The following LARGE1 variants were observed in gnomAD, a reference collection of about 807,000 sequenced individuals.
The protein encoded by LARGE1 is xylosyl- and glucuronyltransferase LARGE1.
In LARGE1, 43 loss-of-function variants were observed where a neutral mutation model predicts 87.6. The ratio of observed to expected loss-of-function variants is 0.49; its 90% CI spans 0.38 to 0.63. LARGE1 has a LOEUF of 0.63. Among genes scored for constraint, LARGE1 ranks in the 30% least tolerant of loss-of-function variants. LARGE1 has a pLI of 0.00. For missense variants in LARGE1, 802 were observed against 1,000.2 expected, an observed-to-expected ratio of 0.80 and a Z score of 2.67; for synonymous variants, 434 against 394.6, an observed-to-expected ratio of 1.10 and a Z score of -1.18.
the LARGE1 span, among the ~76,000 whole-genome samples, chr22:33,068,899 T>G: frequency 1.4e-4 from 22 of 152,252 alleles, no homozygotes; most frequent in South Asian, 1.7e-3. Flanking sequence ...GCTCTCTGGG[T>G]GGACTCAGGG....
At chr22:33,098,641 A>T in the LARGE1 span, among the ~76,000 whole-genome samples, 1 of 152,164 alleles carries the variant, frequency 6.6e-6, no homozygotes, top group African/African-American at 2.4e-5. Context: ...ATAAATAAAA[A>T]TAAAAAATAT....
chr22:33,466,725 C>T (rs1047379236), intron 6 of LARGE1, among the ~76,000 whole-genome samples: 6 of 151,618 alleles, frequency 4.0e-5, no homozygotes, highest in Admixed American at 3.9e-4. Flanking sequence ...TACACACACA[C>T]ACTACACACA....
At chr22:33,833,965 G>C (rs2063043178) in intron 1 of LARGE1, among the ~76,000 whole-genome samples, 1 of 152,092 alleles carries the variant, frequency 6.6e-6, no homozygotes, top group African/African-American at 2.4e-5. Flanking sequence ...GGGATTACGT[G>C]CAATGAGCCA....
chr22:33,503,252 T>G (rs374937560), intron 6 of LARGE1, among the ~76,000 whole-genome samples: 3 of 148,762 alleles, frequency 2.0e-5, no homozygotes, highest in Admixed American at 6.7e-5. Flanking sequence ...CTTTTTTTTT[T>G]TTTTTTGTTT....
the LARGE1 span, among the ~76,000 whole-genome samples, chr22:33,104,891 CTTTCTTTCTTTCTTTCTT>C: frequency 5.8e-3 from 265 of 45,880 alleles, 2 homozygotes; most frequent in African/African-American, 0.022. Flanking sequence ...CTTTCTCTCT[CTTTCTTTCTTTCTTTCTT>C]TCTTTCTTTC....
chr22:33,634,315 G>A (rs910721756), intron 3 of LARGE1, among the ~76,000 whole-genome samples: 2 of 152,164 alleles, frequency 1.3e-5, no homozygotes, highest in Non-Finnish European at 2.9e-5. Flanking sequence ...CAGGATCTCT[G>A]GAGTGGAGCC....
rs73409018 is a variant in LARGE1 at position 33,469,678 on chromosome 22, A to C, written c.788-37413T>G. 7.5e-3 allele frequency among the ~76,000 whole-genome samples: 1,132 copies of C among 151,698 alleles called. 8 individuals are homozygous for C. Among genetic ancestry groups the C allele is most frequent in the African/African-American group, 0.025 (1,052 of 41,416 alleles). ...CCTCTCTACTAAAAATACAAAAGAAATTAGCTAGGCATGGGGGCATGCACC... is the reference window on the plus strand; with the variant it reads ...CCTCTCTACTAAAAATACAAAAGAACTTAGCTAGGCATGGGGGCATGCACC... On this transcript the variant is annotated intron_variant, in intron 6 of 14. Coordinates refer to ENST00000397394, the MANE Select transcript of LARGE1 (RefSeq NM_133642.5).
At chr22:33,438,033 C>T (rs954507896) in intron 6 of LARGE1, among the ~76,000 whole-genome samples, 2 of 151,938 alleles carry the variant, frequency 1.3e-5, no homozygotes, top group African/African-American at 2.4e-5. Context: ...AGGGTTCTGT[C>T]GGGTAACACC....
At chr22:33,370,253 A>G (rs1258156171) in intron 9 of LARGE1, among the ~76,000 whole-genome samples, 1 of 152,216 alleles carries the variant, frequency 6.6e-6, no homozygotes, top group Non-Finnish European at 1.5e-5. Flanking sequence ...GCTGGAAAAC[A>G]AAACTCTTGT....
intron 11 of LARGE1, among the ~76,000 whole-genome samples, chr22:33,190,116 T>A (rs972860559): frequency 2.2e-4 from 33 of 152,188 alleles, no homozygotes; most frequent in African/African-American, 7.5e-4. Flanking sequence ...ATTTTTCAGC[T>A]CTGCAGTGAT....
chr22:33,680,208 T>C (rs2149298050), intron 2 of LARGE1, among the ~76,000 whole-genome samples: 1 of 152,268 alleles, frequency 6.6e-6, no homozygotes, highest in African/African-American at 2.4e-5. Context: ...AGTGGAGAAG[T>C]AAGCGAGATG....
At chr22:33,105,335 A>C in the LARGE1 span, 1 of 152,178 alleles carries the variant, frequency 6.6e-6, no homozygotes, top group Non-Finnish European at 1.5e-5. Context: ...CATTTAGTAA[A>C]GAAGGGAAAG....
chr22:33,903,613 T>C (rs939206208), intron 1 of LARGE1, among the ~76,000 whole-genome samples: 1 of 151,664 alleles, frequency 6.6e-6, no homozygotes, highest in Non-Finnish European at 1.5e-5. Flanking sequence ...GATCACGAGG[T>C]CAAGAGATCG....
At chr22:33,771,053 A>G (rs570143153) in intron 1 of LARGE1, among the ~76,000 whole-genome samples, 1 of 151,868 alleles carries the variant, frequency 6.6e-6, no homozygotes, top group African/African-American at 2.4e-5. Context: ...CCCCCACACA[A>G]TCTCCCACAA....
At chr22:33,279,337 A>G (rs1929988730) in intron 13 of LARGE1, among the ~76,000 whole-genome samples, 1 of 152,196 alleles carries the variant, frequency 6.6e-6, no homozygotes, top group African/African-American at 2.4e-5. Flanking sequence ...GGAGAGAGGA[A>G]GTGGAAGTCT....
At chr22:33,485,264 AG>A (rs1410631899) in intron 6 of LARGE1, among the ~76,000 whole-genome samples, 1 of 149,336 alleles carries the variant, frequency 6.7e-6, no homozygotes, top group African/African-American at 2.5e-5. Flanking sequence ...CCCAGGCTGG[AG>A]TGCAGTGGCA....
At position 33,734,173 on chromosome 22, in the gene LARGE1, T is replaced by A. The variant is rs192962728; in HGVS notation, c.106+27198A>T. On this transcript the variant is annotated intron_variant, in intron 2 of 14. Coordinates refer to ENST00000397394, the MANE Select transcript of LARGE1 (RefSeq NM_133642.5). ...CCCTCTGCACAAGGACACAGTCAAA[T>A]TGAATTACAGCCGCCTTAATGACCT... is the stretch of plus-strand genomic sequence containing the variant. Among the ~76,000 whole-genome samples the A allele has an allele frequency of 6.6e-4, 101 of 152,294 alleles. 1 individual carries two copies. In the East Asian group the frequency reaches 0.016, roughly 24 times the overall value.
At chr22:33,342,547 T>C (rs1416313080) in intron 9 of LARGE1, among the ~76,000 whole-genome samples, 1 of 152,184 alleles carries the variant, frequency 6.6e-6, no homozygotes, top group African/African-American at 2.4e-5. Flanking sequence ...ACTACTATTA[T>C]ATCTAGTCCT....
At chr22:33,610,765 T>C (rs972487401) in intron 4 of LARGE1, among the ~76,000 whole-genome samples, 12 of 152,144 alleles carry the variant, frequency 7.9e-5, no homozygotes, top group African/African-American at 2.7e-4. Context: ...TCTTCCAGGC[T>C]GCCCCTCCCA....
Sources: allele counts gnomAD v4.1 joint callset (sites outside exome capture counted in the v4.1 genomes callset), GRCh38; gene constraint gnomAD v4.1.1; transcripts MANE v1.5; gene names NCBI Gene and HGNC (gene_info 2026-07-23, HGNC 2026-07-21).